Variants in NMT2 observed in about 807,000 individuals in gnomAD.
The protein encoded by NMT2 is N-myristoyltransferase 2.
A neutral mutation model predicts 65.4 loss-of-function variants in NMT2; 35 were observed. The ratio of observed to expected loss-of-function variants is 0.54; its 90% confidence interval spans 0.41 to 0.71. The LOEUF (loss-of-function observed/expected upper bound fraction) is 0.71. Ranked by LOEUF, NMT2 falls within the 30% of genes least tolerant of loss-of-function variation. NMT2 has a pLI of 0.00. For missense variants in NMT2, 489 were observed against 611.3 expected, an observed-to-expected ratio of 0.80 and a Z score of 2.11; for synonymous variants, 226 against 231.8, an observed-to-expected ratio of 0.98 and a Z score of 0.23.
At chr10:15,141,720 C>T (rs1367187155) in intron 1 of NMT2, among the ~76,000 whole-genome samples, 163 bp from the exon 2 acceptor site, 1 of 152,154 alleles carries the variant, frequency 6.6e-6, no homozygotes, top group Non-Finnish European at 1.5e-5. Flanking sequence ...GGAGTGAAGA[C>T]GGTAACAGGC....
intron 1 of NMT2, 30 bp downstream of exon 1, chr10:15,168,473 G>T: frequency 1.3e-6 from 2 of 1,534,006 alleles, no homozygotes; most frequent in Non-Finnish European, 8.9e-7. Flanking sequence ...CCGCCCTGTC[G>T]CGCCCGGTGC....
At chr10:15,156,295 C>T (rs796815132) in intron 1 of NMT2, among the ~76,000 whole-genome samples, 4 of 152,100 alleles carry the variant, frequency 2.6e-5, no homozygotes, top group African/African-American at 9.6e-5. Flanking sequence ...GGGCTTTCAC[C>T]CCCCTCACTC....
chr10:15,117,221 G>A (rs957550149), intron 9 of NMT2, among the ~76,000 whole-genome samples: 15 of 152,118 alleles, frequency 9.9e-5, no homozygotes, highest in Admixed American at 9.2e-4. Flanking sequence ...ATATTTTCTA[G>A]GAATGTAAGA....
chr10:15,137,117 T>C (rs1846541560), intron 2 of NMT2, among the ~76,000 whole-genome samples: 1 of 152,206 alleles, frequency 6.6e-6, no homozygotes, highest in Admixed American at 6.5e-5. Flanking sequence ...ACAGCAACTT[T>C]GGACTTCTGT....
chr10:15,144,907 C>A (rs979367317), intron 1 of NMT2, among the ~76,000 whole-genome samples: 1 of 152,074 alleles, frequency 6.6e-6, no homozygotes, highest in African/African-American at 2.4e-5. Context: ...AGTACATAAC[C>A]AAGAGAAATG....
At chr10:15,130,070 C>G in intron 7 of NMT2, 72 bp downstream of exon 7, 1 of 1,184,780 alleles carries the variant, frequency 8.4e-7, no homozygotes, top group Non-Finnish European at 1.1e-6. Context: ...AAAACTACAT[C>G]TAGCAGAACA....
intron 1 of NMT2, among the ~76,000 whole-genome samples, chr10:15,163,122 AG>A (rs1254660833): frequency 6.6e-6 from 1 of 152,034 alleles, no homozygotes; most frequent in Non-Finnish European, 1.5e-5. Context: ...TATGTTCCCC[AG>A]GTTGATCTTG....
At chr10:15,130,880 C>G (rs555693706) in intron 6 of NMT2, among the ~76,000 whole-genome samples, 2 of 148,044 alleles carry the variant, frequency 1.4e-5, no homozygotes, top group African/African-American at 5.0e-5. Flanking sequence ...ACCTCTTACT[C>G]CTGGGTTCAA....
rs531541235 is a variant in NMT2, at chr10:15,137,298, C to T, written c.247-1880G>A. On this transcript the variant is annotated intron_variant, in intron 2 of 11. Coordinates refer to ENST00000378165, the MANE Select transcript of NMT2 (RefSeq NM_004808.3). ...GCAGGTGAAAGTCTTTTTGTCTCTGCTTGGAAGTCTCACAGCACAATCCAA... is the reference window on the plus strand; with the variant it reads ...GCAGGTGAAAGTCTTTTTGTCTCTGTTTGGAAGTCTCACAGCACAATCCAA... Among the ~76,000 whole-genome samples the T allele has an allele frequency of 9.2e-5, 14 of 152,184 alleles. No individual in the cohort carries two copies. In the South Asian group the frequency reaches 2.9e-3, roughly 32 times the overall value.
chr10:15,110,724 A>G (rs1245036199), intron 10 of NMT2, among the ~76,000 whole-genome samples: 1 of 152,198 alleles, frequency 6.6e-6, no homozygotes, highest in Non-Finnish European at 1.5e-5. Flanking sequence ...ATGTAGTATG[A>G]TGGCTGTCAC....
chr10:15,157,528 G>A (rs1399286163), intron 1 of NMT2, among the ~76,000 whole-genome samples: 1 of 152,248 alleles, frequency 6.6e-6, no homozygotes, highest in South Asian at 2.1e-4. Context: ...GGGGCAGGGG[G>A]CAGAGGCTCC....
intron 2 of NMT2, among the ~76,000 whole-genome samples, chr10:15,136,530 G>A (rs1157869404): frequency 6.6e-6 from 1 of 151,936 alleles, no homozygotes; most frequent in South Asian, 2.1e-4. Context: ...TCTGAACTCA[G>A]TGCTGAACTG....
rs917482884 is a variant in NMT2 at position 15,108,170 on chromosome 10, C to T, written c.*1025G>A. On this transcript the variant is annotated 3_prime_UTR_variant, in exon 12 of 12. Coordinates refer to ENST00000378165, the MANE Select transcript of NMT2 (RefSeq NM_004808.3). ...ACAACAGCAGAAAAGTCTAGTTAGTCGCGGGTACAGGCTCTTTCTTTTTTT... is the reference window on the plus strand; with the variant it reads ...ACAACAGCAGAAAAGTCTAGTTAGTTGCGGGTACAGGCTCTTTCTTTTTTT... 8.7e-5 allele frequency: 86 copies of T among 983,826 alleles called. No individual in the cohort carries two copies. The Admixed American group carries it at 9.3e-4, about 11-fold the overall frequency. The allele number at this position is 983,826 out of a possible 1,614,324, so 60.9% of individuals were successfully genotyped here.
chr10:15,135,194 T>G, intron 3 of NMT2, 80 bp downstream of exon 3: 1 of 840,968 alleles, frequency 1.2e-6, no homozygotes, highest in Non-Finnish European at 1.7e-6. Context: ...CTTTGTGTTT[T>G]GTTGTTGTTG....
intron 2 of NMT2, chr10:15,141,092 G>T: frequency 7.1e-7 from 1 of 1,398,926 alleles, no homozygotes; most frequent in Non-Finnish European, 9.9e-7. Flanking sequence ...TGAACGAAAA[G>T]TAATCAAATA....
chr10:15,106,856 T>G lies in NMT2; in HGVS notation c.*2339A>C, dbSNP rs1055721581. 2.6e-5 allele frequency among the ~76,000 whole-genome samples: 4 copies of G among 152,174 alleles called. No individual in the cohort carries two copies. The highest frequency in any genetic ancestry group is 5.9e-5 in the Non-Finnish European group (4 of 68,026). On this transcript the variant is annotated 3_prime_UTR_variant, in exon 12 of 12. Transcript: ENST00000378165. ...TGGCTCATGTCTATAATCCCAGTAC[T>G]TTGGGAGGCCAAGGCAGAAGGATCA...
At chr10:15,110,619 G>A (rs1845479465) in intron 10 of NMT2, among the ~76,000 whole-genome samples, 1 of 147,834 alleles carries the variant, frequency 6.8e-6, no homozygotes, top group African/African-American at 2.6e-5. Context: ...CTGAGCAACA[G>A]AGTGAGCGCC....
In NMT2 at chr10:15,107,511, G is replaced by A. The variant is rs1228689183; in HGVS notation, c.*1684C>T. On this transcript the variant is annotated 3_prime_UTR_variant, in exon 12 of 12. Transcript: ENST00000378165. ...ACTGTCACCCAGGCTGGAGTGCAGT[G>A]GCACGATCTTGGCTCACTGCAACTT... is the stretch of plus-strand genomic sequence containing the variant. 1.3e-5 allele frequency: 12 copies of A among 904,418 alleles called. No homozygotes were observed. The highest frequency in any genetic ancestry group is 1.5e-5 in the Non-Finnish European group (11 of 756,126). The allele number at this position is 904,418 out of a possible 1,614,324, so 56.0% of individuals were successfully genotyped here.
intron 1 of NMT2, among the ~76,000 whole-genome samples, chr10:15,160,263 C>T (rs1485274419): frequency 1.3e-5 from 2 of 152,118 alleles, no homozygotes; most frequent in African/African-American, 4.8e-5. Flanking sequence ...TTAGTGATTC[C>T]TGGGAGGAGG....
Sources: gnomAD v4.1 joint callset for allele counts (sites outside exome capture counted in the v4.1 genomes callset) on GRCh38, gnomAD v4.1.1 for gene constraint, MANE v1.5 for transcripts, NCBI Gene and HGNC (gene_info 2026-07-23, HGNC 2026-07-21) for gene names.